The following LRRN3 variants were observed in gnomAD, a reference collection of about 807,000 sequenced individuals.
LRRN3 encodes leucine-rich repeat neuronal protein 3.
A neutral mutation model predicts 40.1 loss-of-function variants in LRRN3; 15 were observed. That is an observed-to-expected ratio of 0.37 (90% CI 0.25 to 0.58). The LOEUF (loss-of-function observed/expected upper bound fraction) is 0.58. Ranked by LOEUF, LRRN3 falls within the 20% of genes least tolerant of loss-of-function variation. The pLI, the probability that LRRN3 is intolerant of heterozygous loss-of-function variation, is 0.72. For synonymous variants in LRRN3, 308 were observed against 297.2 expected, an observed-to-expected ratio of 1.04 and a Z score of -0.37; for missense variants, 746 against 837.7, an observed-to-expected ratio of 0.89 and a Z score of 1.35.
chr7:111,102,818 T>C (rs2129580508), intron 2 of LRRN3, among the ~76,000 whole-genome samples: 1 of 151,630 alleles, frequency 6.6e-6, no homozygotes, highest in African/African-American at 2.4e-5. Context: ...TTTGCTAGGG[T>C]CATAAAAGAC....
intron 2 of LRRN3, among the ~76,000 whole-genome samples, chr7:111,112,073 G>C (rs1002170901): frequency 1.3e-5 from 2 of 148,806 alleles, no homozygotes; most frequent in African/African-American, 2.5e-5. Context: ...TCAGCCTCCC[G>C]AGTAGCTGGG....
At position 111,103,771 on chromosome 7, in the gene LRRN3, T is replaced by C. The variant is rs1326478825; in HGVS notation, c.-359+3809T>C. ...ATACTATGAACTTTTAACGCATTAT[T>C]TTATTTAATTTTCACAACATTCCTT... is the stretch of plus-strand genomic sequence containing the variant. On this transcript the variant is annotated intron_variant, in intron 2 of 2. Transcript: ENST00000308478. Among the ~76,000 whole-genome samples the C allele has an allele frequency of 2.0e-5, 3 of 151,558 alleles. No homozygotes were observed. In the East Asian group the frequency reaches 5.8e-4, roughly 29 times the overall value.
At chr7:111,096,595 G>A (rs991402295) in intron 1 of LRRN3, among the ~76,000 whole-genome samples, 2 of 151,134 alleles carry the variant, frequency 1.3e-5, no homozygotes, top group African/African-American at 4.9e-5. Context: ...TCATCCATAT[G>A]TTTGTCTGAC....
intron 1 of LRRN3, among the ~76,000 whole-genome samples, chr7:111,093,693 TCCAGGC>T (rs1797100810): frequency 6.6e-6 from 1 of 152,080 alleles, no homozygotes; most frequent in South Asian, 2.1e-4. Context: ...ATACCAACAC[TCCAGGC>T]CCCCGGTGTT....
intron 2 of LRRN3, among the ~76,000 whole-genome samples, chr7:111,105,820 G>T (rs1798488742): frequency 6.6e-6 from 1 of 151,828 alleles, no homozygotes; most frequent in South Asian, 2.1e-4. Context: ...CTAGTCACAT[G>T]AATGTGATAG....
intron 1 of LRRN3, among the ~76,000 whole-genome samples, chr7:111,092,880 T>G (rs939027572): frequency 6.6e-6 from 1 of 152,220 alleles, no homozygotes; most frequent in Non-Finnish European, 1.5e-5. Context: ...TTCTTTTAGT[T>G]CAACTAACCA....
At chr7:111,121,329 T>G (rs1800586840) in intron 2 of LRRN3, among the ~76,000 whole-genome samples, 1 of 152,216 alleles carries the variant, frequency 6.6e-6, no homozygotes, top group African/African-American at 2.4e-5. Context: ...TGATGGTAGT[T>G]TCTTTTGCTG....
chr7:111,123,981 A>G lies in LRRN3; in HGVS notation c.1209A>G (p.Gln403=), dbSNP rs947947671. The stretch of plus-strand genomic sequence containing the variant: ...TTTGCGTGGACCCACCTGAATTCCA[A>G]GGTCAGAATGTTCGGCAAGTGCATT... ...SLFCVDPPEF[Q]GQNVRQVHFR... Residue 403 remains glutamine, a synonymous_variant, in exon 3 of 3, where the codon CAA becomes CAG. Transcript: ENST00000308478. This position sits in a 1 kb window ranked among gnomAD's most constrained non-coding sequence, Gnocchi z 6.4. 1.2e-6 allele frequency: 2 copies of G among 1,613,916 alleles called. No individual in the cohort carries two copies. Among genetic ancestry groups the G allele is most frequent in the Admixed American group, 1.7e-5 (1 of 59,954 alleles).
Position 111,114,133 on chromosome 7 carries a change from T to TACACACAC in LRRN3, c.-358-8260_-358-8253dup, listed in dbSNP as rs71151831. Among the ~76,000 whole-genome samples the TACACACAC allele has an allele frequency of 6.1e-3, 898 of 146,656 alleles. 6 individuals are homozygous for TACACACAC. The highest frequency in any genetic ancestry group is 0.021 in the African/African-American group (828 of 40,204). ...CTCAACATACACATACACATAAATCTACACACACACACACACACACACACA... is the reference window on the plus strand; with the variant it reads ...CTCAACATACACATACACATAAATCTACACACACACACACACACACACACACACACACA... On this transcript the variant is annotated intron_variant, in intron 2 of 2. Transcript: ENST00000308478.
rs150007120 is a variant in LRRN3 at position 111,123,183 on chromosome 7, C to T, written c.411C>T (p.Ser137=). The change falls in exon 3 of 3, where the codon TCC becomes TCT. Residue 137 remains serine (S), a synonymous_variant. Transcript: ENST00000308478. The surrounding 1 kb of genome is among the most constrained non-coding windows in gnomAD (Gnocchi z 6.4). ...KLTELPEKCL[S]ELSNLQELYI... is the part of the protein sequence containing the mutation. Reference sequence around the variant, plus strand: ...CTGAACTGCCTGAAAAATGTCTGTCCGAACTGAGCAACTTACAAGAACTCT... The same window carrying T: ...CTGAACTGCCTGAAAAATGTCTGTCTGAACTGAGCAACTTACAAGAACTCT... 3.4e-4 allele frequency: 550 copies of T among 1,613,792 alleles called. No homozygotes were observed. The highest frequency in any genetic ancestry group is 4.3e-4 in the Non-Finnish European group (509 of 1,179,958).
In LRRN3 at chr7:111,124,200, T is replaced by C; in HGVS notation, c.1428T>C (p.His476=). The C allele has an allele frequency of 6.2e-7, 1 of 1,613,930 alleles. No individual in the cohort carries two copies. Among genetic ancestry groups the C allele is most frequent in the East Asian group, 2.2e-5 (1 of 44,854 alleles). ...CCCTGACAGACAAGTTCTATGTCCA[T>C]TCTGAGGGAACACTAGATATAAATG... is the stretch of plus-strand genomic sequence containing the variant. ...PNTLTDKFYV[H]SEGTLDINGV... is the part of the protein sequence containing the mutation. The change falls in exon 3 of 3, where the codon CAT becomes CAC. Residue 476 remains histidine, a synonymous_variant. Transcript: ENST00000308478.
intron 2 of LRRN3, among the ~76,000 whole-genome samples, chr7:111,107,553 A>C (rs1473970867): frequency 6.6e-6 from 1 of 152,154 alleles, no homozygotes; most frequent in Non-Finnish European, 1.5e-5. Flanking sequence ...ATGAATAAAA[A>C]GATTCTGTGC....
chr7:111,122,810 G>A lies in LRRN3; in HGVS notation c.38G>A (p.Gly13Asp). Residue 13 changes from glycine to aspartate, a missense_variant, in exon 3 of 3, where the codon GGC (glycine) becomes GAC (aspartate). Coordinates refer to ENST00000308478, the MANE Select transcript of LRRN3 (RefSeq NM_001099658.2). The stretch of plus-strand genomic sequence containing the variant: ...CCACTCCGAATTCATGTGCTACTTG[G>A]CCTAGCTATCACTACACTAGTACAA... ...DMPLRIHVLLGLAITTLVQAV... is the reference protein window; with the variant it reads ...DMPLRIHVLLDLAITTLVQAV... The A allele has an allele frequency of 6.2e-7, 1 of 1,613,704 alleles. No individual in the cohort carries two copies. Among genetic ancestry groups the A allele is most frequent in the Non-Finnish European group, 8.5e-7 (1 of 1,179,784 alleles).
At chr7:111,095,587 C>A (rs2129578666) in intron 1 of LRRN3, among the ~76,000 whole-genome samples, 1 of 151,976 alleles carries the variant, frequency 6.6e-6, no homozygotes, top group East Asian at 1.9e-4. Context: ...TATAGTTTAC[C>A]ATATTCTGTA....
At chr7:111,101,639 GT>G (rs1482667002) in intron 2 of LRRN3, among the ~76,000 whole-genome samples, 56 of 151,464 alleles carry the variant, frequency 3.7e-4, no homozygotes, top group African/African-American at 1.3e-3. Flanking sequence ...TATATTTCCT[GT>G]GAAATATACA....
chr7:111,103,793 C>T (rs2129580779), intron 2 of LRRN3, among the ~76,000 whole-genome samples: 1 of 151,640 alleles, frequency 6.6e-6, no homozygotes, highest in African/African-American at 2.4e-5. Context: ...TCACAACATT[C>T]CTTTCAAGTA....
Position 111,123,609 on chromosome 7 carries a change from T to C in LRRN3, c.837T>C (p.Asp279=). Residue 279 remains aspartate (D), a synonymous_variant, in exon 3 of 3, where the codon GAT becomes GAC. Coordinates refer to ENST00000308478, the MANE Select transcript of LRRN3 (RefSeq NM_001099658.2). This position sits in a 1 kb window ranked among gnomAD's most constrained non-coding sequence, Gnocchi z 6.4. The stretch of plus-strand genomic sequence containing the variant: ...CTATTAATAGAATACGAAGGGGTGA[T>C]TTTAGCAATATGCTACACTTAAAAG... ...KNPINRIRRG[D]FSNMLHLKEL... The C allele has an allele frequency of 6.2e-7, 1 of 1,613,454 alleles. No individual in the cohort carries two copies. The highest frequency in any genetic ancestry group is 8.5e-7 in the Non-Finnish European group (1 of 1,179,600).
intron 2 of LRRN3, among the ~76,000 whole-genome samples, chr7:111,102,087 A>G (rs776971558): frequency 7.3e-5 from 11 of 151,606 alleles, no homozygotes; most frequent in Non-Finnish European, 1.3e-4. Flanking sequence ...TTTCTTTAAA[A>G]AAAAAAAATG....
At chr7:111,108,701 A>T in intron 2 of LRRN3, among the ~76,000 whole-genome samples, 1 of 152,268 alleles carries the variant, frequency 6.6e-6, no homozygotes, top group East Asian at 1.9e-4. Context: ...TAAAAAAAAC[A>T]TATTTATTTC....
Sources: allele counts gnomAD v4.1 joint callset (sites outside exome capture counted in the v4.1 genomes callset), GRCh38; gene constraint gnomAD v4.1.1; non-coding constraint Gnocchi (gnomAD v3.1); transcripts MANE v1.5; gene names NCBI Gene and HGNC (gene_info 2026-07-23, HGNC 2026-07-21).